SLC39A12: variants seen among roughly 807,000 people sequenced by gnomAD.
The protein encoded by SLC39A12 is zinc transporter ZIP12.
In SLC39A12, 63 loss-of-function variants were observed where a neutral mutation model predicts 71.1. That is an observed-to-expected ratio of 0.89 (90% CI 0.72 to 1.09). The LOEUF is 1.09. SLC39A12 is among the 50% of genes least tolerant of loss of function. SLC39A12 has a pLI of 0.00. For missense variants in SLC39A12, 892 were observed against 812.6 expected, an observed-to-expected ratio of 1.10 and a Z score of -1.19; for synonymous variants, 351 against 301.3, an observed-to-expected ratio of 1.16 and a Z score of -1.71.
chr10:17,992,808 G>A (rs1835587887), intron 8 of SLC39A12, among the ~76,000 whole-genome samples: 1 of 152,172 alleles, frequency 6.6e-6, no homozygotes, highest in African/African-American at 2.4e-5. Context: ...GAATACGTAT[G>A]TTTTAGGAAC....
intron 12 of SLC39A12, among the ~76,000 whole-genome samples, chr10:18,012,427 G>T (rs1483865551): frequency 1.3e-5 from 2 of 152,278 alleles, no homozygotes; most frequent in Admixed American, 6.5e-5. Flanking sequence ...GCTGATAAAA[G>T]CTCATCTCTG....
At chr10:18,003,962 T>G (rs1835926467) in intron 12 of SLC39A12, among the ~76,000 whole-genome samples, 1 of 152,232 alleles carries the variant, frequency 6.6e-6, no homozygotes, top group Non-Finnish European at 1.5e-5. Flanking sequence ...AAGAAGATTT[T>G]TATAGTATTT....
intron 12 of SLC39A12, among the ~76,000 whole-genome samples, chr10:18,012,947 A>G (rs546924930): frequency 1.3e-5 from 2 of 151,802 alleles, no homozygotes; most frequent in East Asian, 3.9e-4. Flanking sequence ...AGGACATGAG[A>G]GCTGAGTTTA....
In SLC39A12 at chr10:17,981,308, A is replaced by G; in HGVS notation, c.925-4A>G. 6.2e-7 allele frequency: 1 copy of G among 1,603,632 alleles called. No homozygotes were observed. Among genetic ancestry groups the G allele is most frequent in the South Asian group, 1.1e-5 (1 of 89,644 alleles). On this transcript the variant is annotated splice_polypyrimidine_tract_variant and splice_region_variant and intron_variant, in intron 5 of 12. Coordinates refer to ENST00000377369, the MANE Select transcript of SLC39A12 (RefSeq NM_001145195.2). ...AGTAACAATGTTATGTTTTCCTCAC[A>G]CAGACCTGCTTCTCTGCTAGGCAGC...
intron 12 of SLC39A12, 147 bp downstream of exon 12, chr10:18,003,505 C>A: frequency 1.5e-6 from 1 of 646,074 alleles, no homozygotes; most frequent in Non-Finnish European, 2.4e-6. Flanking sequence ...CTTTGTACTC[C>A]AAGAAAGTGC....
intron 4 of SLC39A12, among the ~76,000 whole-genome samples, chr10:17,976,141 C>T (rs149914097): frequency 8.5e-5 from 13 of 152,256 alleles, no homozygotes; most frequent in African/African-American, 2.9e-4. Context: ...AACGAGGGCT[C>T]ACCTGAATTT....
At chr10:18,037,583 G>A (rs1837091625) in intron 12 of SLC39A12, among the ~76,000 whole-genome samples, 1 of 151,900 alleles carries the variant, frequency 6.6e-6, no homozygotes, top group South Asian at 2.1e-4. Flanking sequence ...ATCACTTGCA[G>A]GATTATGAGA....
At chr10:18,024,732 A>C (rs1280787880) in intron 12 of SLC39A12, among the ~76,000 whole-genome samples, 1 of 152,116 alleles carries the variant, frequency 6.6e-6, no homozygotes, top group Non-Finnish European at 1.5e-5. Flanking sequence ...GTTGTGAATA[A>C]ATCTATTTTT....
intron 1 of SLC39A12, among the ~76,000 whole-genome samples, chr10:17,952,474 T>C: frequency 7.2e-6 from 1 of 138,562 alleles, no homozygotes; most frequent in Non-Finnish European, 1.5e-5. Context: ...ACTCTTTTTT[T>C]TTCTTTTTTC....
intron 12 of SLC39A12, chr10:18,005,355 G>A: frequency 6.6e-6 from 1 of 152,188 alleles, no homozygotes; most frequent in East Asian, 1.9e-4. Flanking sequence ...TGAAACCACA[G>A]TCACTCACCA....
chr10:18,026,125 C>T (rs1267032156), intron 12 of SLC39A12, among the ~76,000 whole-genome samples: 11 of 152,118 alleles, frequency 7.2e-5, no homozygotes, highest in Non-Finnish European at 1.6e-4. Flanking sequence ...TTTTTATTTA[C>T]CTTCCCTTAT....
chr10:17,986,374 T>C (rs550445886), intron 6 of SLC39A12, among the ~76,000 whole-genome samples: 112 of 152,308 alleles, frequency 7.4e-4, no homozygotes, highest in African/African-American at 2.4e-3. Flanking sequence ...GGATGGCTTA[T>C]GTAAACAACA....
At chr10:17,973,829 CT>C (rs201238785) in intron 4 of SLC39A12, among the ~76,000 whole-genome samples, 2,058 of 150,938 alleles carry the variant, frequency 0.014, 41 homozygotes, top group African/African-American at 0.043. Flanking sequence ...CTTTCTACCC[CT>C]ATCTCTCTCC....
intron 4 of SLC39A12, 33 bp from the exon 5 acceptor site, chr10:17,977,868 CT>C: frequency 6.6e-7 from 1 of 1,518,934 alleles, no homozygotes; most frequent in Non-Finnish European, 8.8e-7. Flanking sequence ...CTTATCTATT[CT>C]ATGTGACACC....
chr10:18,041,704 T>C (rs28517730), intron 12 of SLC39A12, among the ~76,000 whole-genome samples: 2 of 129,698 alleles, frequency 1.5e-5, no homozygotes, highest in African/African-American at 2.7e-5. Flanking sequence ...TGTGTATATA[T>C]ATGTATATAC....
At chr10:18,036,169 G>T (rs1353898203) in intron 12 of SLC39A12, among the ~76,000 whole-genome samples, 1 of 152,242 alleles carries the variant, frequency 6.6e-6, no homozygotes, top group South Asian at 2.1e-4. Flanking sequence ...GCTGTGGTGG[G>T]TTCCACCCAG....
chr10:17,994,236 A>C (rs921281722), intron 9 of SLC39A12, among the ~76,000 whole-genome samples: 2 of 152,170 alleles, frequency 1.3e-5, no homozygotes, highest in African/African-American at 4.8e-5. Context: ...GATGCATATA[A>C]CCAAATCTCT....
At chr10:17,997,217 A>G (rs1835712025) in intron 10 of SLC39A12, among the ~76,000 whole-genome samples, 1 of 152,198 alleles carries the variant, frequency 6.6e-6, no homozygotes, top group South Asian at 2.1e-4. Context: ...CATGATCTTT[A>G]TCAGTGCAGA....
At chr10:17,980,089 A>G (rs576758701) in intron 5 of SLC39A12, among the ~76,000 whole-genome samples, 1 of 152,304 alleles carries the variant, frequency 6.6e-6, no homozygotes, top group East Asian at 1.9e-4. Context: ...CCCAGCTTCA[A>G]GTTCTCATTC....
Sources: allele counts gnomAD v4.1 joint callset (sites outside exome capture counted in the v4.1 genomes callset), GRCh38; gene constraint gnomAD v4.1.1; transcripts MANE v1.5; gene names NCBI Gene and HGNC (gene_info 2026-07-23, HGNC 2026-07-21).